C8orf34: variants seen among roughly 807,000 people sequenced by gnomAD.
The protein encoded by C8orf34 is uncharacterized protein C8orf34.
A neutral mutation model predicts 68.3 loss-of-function variants in C8orf34; 65 were observed. The ratio of observed to expected loss-of-function variants is 0.95; its 90% CI spans 0.78 to 1.17. The LOEUF (loss-of-function observed/expected upper bound fraction) is 1.17. Ranked by LOEUF, C8orf34 falls within the 50% of genes most tolerant of loss-of-function variation. The pLI is 0.00. For synonymous variants in C8orf34, 244 were observed against 241.2 expected (o/e 1.01, Z -0.11); for missense variants, 664 against 655.4 (o/e 1.01, Z -0.14).
intron 1 of C8orf34, among the ~76,000 whole-genome samples, chr8:68,338,687 T>A (rs1228776055): frequency 6.6e-6 from 1 of 152,226 alleles, no homozygotes; most frequent in Non-Finnish European, 1.5e-5. Flanking sequence ...TGCTGAGTTG[T>A]ATTCCGTATG....
At chr8:68,599,225 A>G (rs1242690239) in intron 7 of C8orf34, among the ~76,000 whole-genome samples, 1 of 152,120 alleles carries the variant, frequency 6.6e-6, no homozygotes, top group African/African-American at 2.4e-5. Flanking sequence ...TCTGAGAGAT[A>G]TTAAAGAGGA....
At chr8:68,488,490 T>C (rs903017673) in intron 5 of C8orf34, among the ~76,000 whole-genome samples, 1 of 152,170 alleles carries the variant, frequency 6.6e-6, no homozygotes, top group Non-Finnish European at 1.5e-5. Context: ...ATGATGGTAC[T>C]TTGAAGTGGG....
chr8:68,504,964 C>T (rs1309218045), intron 5 of C8orf34, among the ~76,000 whole-genome samples: 2 of 152,070 alleles, frequency 1.3e-5, no homozygotes, highest in African/African-American at 4.8e-5. Flanking sequence ...CAGGCGTGAG[C>T]CACCATGCCT....
At position 68,523,400 on chromosome 8, in the gene C8orf34, C is replaced by A. The variant is rs377006843; in HGVS notation, c.938+1429C>A. ...CCTAGCTTCAGTGAGCTCTTATTCC[C>A]ACCTGAATACTCAATAAGGGAGAAC... On this transcript the variant is annotated intron_variant, in intron 6 of 13. Transcript: ENST00000518698. Among the ~76,000 whole-genome samples, 8 of 152,208 alleles carry A rather than the reference C, an allele frequency of 5.3e-5. 1 individual carries two copies. In the South Asian group the frequency reaches 1.5e-3, roughly 28 times the overall value.
intron 2 of C8orf34, among the ~76,000 whole-genome samples, chr8:68,444,742 T>C (rs1174556444): frequency 6.6e-6 from 1 of 152,188 alleles, no homozygotes; most frequent in East Asian, 1.9e-4. Flanking sequence ...GATAAAAATA[T>C]CATTGCTAAA....
intron 10 of C8orf34, among the ~76,000 whole-genome samples, chr8:68,774,944 TAAAAA>T (rs1224756627): frequency 1.6e-4 from 7 of 44,686 alleles, no homozygotes; most frequent in South Asian, 7.6e-4. Context: ...CTGTCTCCAC[TAAAAA>T]AAAAAAAAAA....
At chr8:68,416,945 T>C (rs1351736090) in intron 1 of C8orf34, among the ~76,000 whole-genome samples, 1 of 152,202 alleles carries the variant, frequency 6.6e-6, no homozygotes, top group Non-Finnish European at 1.5e-5. Context: ...ACACCATTAC[T>C]TTCCTCTGAG....
intron 9 of C8orf34, among the ~76,000 whole-genome samples, chr8:68,709,743 A>G (rs1024550062): frequency 8.5e-5 from 13 of 152,156 alleles, no homozygotes; most frequent in Non-Finnish European, 1.5e-5. Flanking sequence ...AAAGCTGCTT[A>G]TTTAATTTCC....
intron 8 of C8orf34, chr8:68,695,662 T>C (rs913603113): frequency 5.3e-5 from 8 of 152,144 alleles, no homozygotes; most frequent in Non-Finnish European, 1.2e-4. Flanking sequence ...TATCACACTT[T>C]TAACATACCC....
At chr8:68,643,561 A>G (rs1178203929) in intron 8 of C8orf34, among the ~76,000 whole-genome samples, 2 of 152,166 alleles carry the variant, frequency 1.3e-5, no homozygotes, top group Non-Finnish European at 2.9e-5. Context: ...TGGCTGATTC[A>G]GTGTCTGGGG....
At chr8:68,568,761 A>G (rs533531312) in intron 7 of C8orf34, among the ~76,000 whole-genome samples, 350 of 152,350 alleles carry the variant, frequency 2.3e-3, no homozygotes, top group South Asian at 5.2e-3. Context: ...AGAAATCGAT[A>G]AATTTTAAAA....
chr8:68,358,730 G>A lies in C8orf34; in HGVS notation c.327+27391G>A, dbSNP rs866492425. 8.0e-5 allele frequency among the ~76,000 whole-genome samples: 12 copies of A among 150,528 alleles called. No individual in the cohort carries two copies. In the South Asian group the frequency reaches 2.5e-3, roughly 32 times the overall value. On this transcript the variant is annotated intron_variant, in intron 1 of 13. Coordinates refer to ENST00000518698, the MANE Select transcript of C8orf34 (RefSeq NM_052958.4). ...ATTTATTTATTTTTTTTTTGAGACAGAGTCTCGCTCTGTCACTTGGGCTGG... is the reference window on the plus strand; with the variant it reads ...ATTTATTTATTTTTTTTTTGAGACAAAGTCTCGCTCTGTCACTTGGGCTGG...
At chr8:68,698,262 A>G (rs1322928298) in intron 8 of C8orf34, among the ~76,000 whole-genome samples, 1 of 152,096 alleles carries the variant, frequency 6.6e-6, no homozygotes, top group Non-Finnish European at 1.5e-5. Flanking sequence ...AATGTTCAGT[A>G]TACTTGAACA....
chr8:68,397,010 A>T (rs1052472297), intron 1 of C8orf34, among the ~76,000 whole-genome samples: 2 of 151,670 alleles, frequency 1.3e-5, no homozygotes, highest in Non-Finnish European at 2.9e-5. Context: ...TATTTTATTT[A>T]TTTTCTTTTT....
At chr8:68,531,611 A>G (rs1319808449) in intron 6 of C8orf34, among the ~76,000 whole-genome samples, 4 of 152,172 alleles carry the variant, frequency 2.6e-5, no homozygotes, top group Non-Finnish European at 4.4e-5. Flanking sequence ...AAGTTTGATC[A>G]CTTGGTTAAG....
chr8:68,383,105 G>T (rs554964519), intron 1 of C8orf34, among the ~76,000 whole-genome samples: 1 of 152,240 alleles, frequency 6.6e-6, no homozygotes, highest in Non-Finnish European at 1.5e-5. Context: ...TAGGAAATCT[G>T]AAAGTCAGGA....
At chr8:68,650,464 G>A (rs967777579) in intron 8 of C8orf34, among the ~76,000 whole-genome samples, 30 of 149,468 alleles carry the variant, frequency 2.0e-4, no homozygotes, top group Admixed American at 1.1e-3. Context: ...AAGGCTGGCC[G>A]CCCCACCCTA....
chr8:68,331,450 C>A, intron 1 of C8orf34, 111 bp downstream of exon 1: 1 of 1,243,990 alleles, frequency 8.0e-7, no homozygotes, highest in East Asian at 2.6e-5. Context: ...GCTAGAGAAC[C>A]AACGCGCGGG....
At position 68,760,157 on chromosome 8, in the gene C8orf34, G is replaced by T. The variant is rs563855133; in HGVS notation, c.1405-16242G>T. Among the ~76,000 whole-genome samples the T allele has an allele frequency of 1.2e-4, 18 of 152,294 alleles. No homozygotes were observed. The South Asian group carries it at 3.5e-3, about 30-fold the overall frequency. On this transcript the variant is annotated intron_variant, in intron 10 of 13. Transcript: ENST00000518698. ...GGGAAGAGTCATTACAACACAGGCG[G>T]AGGACAGCCTGCGGAGGCCACCCAC...
Sources: gnomAD v4.1 joint callset for allele counts (sites outside exome capture counted in the v4.1 genomes callset) on GRCh38, gnomAD v4.1.1 for gene constraint, MANE v1.5 for transcripts, NCBI Gene and HGNC (gene_info 2026-07-23, HGNC 2026-07-21) for gene names.